Variants in OSBP2 observed in about 807,000 individuals in gnomAD.
The protein encoded by OSBP2 is oxysterol-binding protein 2.
Under a neutral mutation model 96.0 loss-of-function variants are expected in OSBP2, and 66 were observed. That is an observed-to-expected ratio of 0.69 (90% CI 0.56 to 0.84). The LOEUF is 0.84. Ranked by LOEUF, OSBP2 falls within the 40% of genes least tolerant of loss-of-function variation. The pLI is 0.00. For synonymous variants in OSBP2, 525 were observed against 520.9 expected (o/e 1.01, Z -0.11); for missense variants, 1,038 against 1,222.7 (o/e 0.85, Z 2.25).
chr22:30,887,977 C>T (rs576859295), intron 4 of OSBP2, among the ~76,000 whole-genome samples: 16 of 152,286 alleles, frequency 1.1e-4, no homozygotes, highest in African/African-American at 3.9e-4. Flanking sequence ...AAGACTGACC[C>T]ACATGTTGAG....
At chr22:30,710,613 T>C (rs556079491) in intron 1 of OSBP2, among the ~76,000 whole-genome samples, 26 of 151,824 alleles carry the variant, frequency 1.7e-4, no homozygotes, top group African/African-American at 6.0e-4. Flanking sequence ...TTTTTTTTTT[T>C]AGTGTGTATT....
At chr22:30,812,826 G>T (rs2091028093) in intron 2 of OSBP2, among the ~76,000 whole-genome samples, 1 of 152,072 alleles carries the variant, frequency 6.6e-6, no homozygotes, top group Non-Finnish European at 1.5e-5. Context: ...GCATTTCCTT[G>T]CTCTATTTTG....
intron 2 of OSBP2, among the ~76,000 whole-genome samples, chr22:30,840,561 C>T (rs754735784): frequency 3.3e-5 from 5 of 152,092 alleles, no homozygotes; most frequent in Admixed American, 2.0e-4. Flanking sequence ...TAGCTCTGCC[C>T]CTTACCAGAT....
At chr22:30,730,758 CTCT>C (rs2089745996) in intron 1 of OSBP2, among the ~76,000 whole-genome samples, 1 of 42,922 alleles carries the variant, frequency 2.3e-5, no homozygotes, top group South Asian at 1.3e-3. Flanking sequence ...CTCTCTCTCT[CTCT>C]CTCTCTCTCT....
chr22:30,762,221 C>CA (rs956113839), intron 2 of OSBP2, among the ~76,000 whole-genome samples: 1 of 150,530 alleles, frequency 6.6e-6, no homozygotes, highest in African/African-American at 2.4e-5. Flanking sequence ...GACTCCATCT[C>CA]AAAAAATAAA....
intron 2 of OSBP2, chr22:30,822,641 GCGGCTGCTGGGACA>G (rs1336800021): frequency 6.5e-7 from 1 of 1,533,098 alleles, no homozygotes; most frequent in Non-Finnish European, 8.7e-7. Context: ...ATGAAGGGAC[GCGGCTGCTGGGACA>G]CGGCCTCCGT....
At chr22:30,897,739 C>T (rs1313925475) in intron 12 of OSBP2, among the ~76,000 whole-genome samples, 1 of 152,154 alleles carries the variant, frequency 6.6e-6, no homozygotes, top group Non-Finnish European at 1.5e-5. Flanking sequence ...CACCTGAGGT[C>T]AGGAGTTCGA....
At chr22:30,694,368 G>C (rs537812548), upstream of OSBP2, 20 of 1,523,560 alleles carry the variant, frequency 1.3e-5, no homozygotes, top group South Asian at 2.4e-4. Context: ...TGGGGGGCGG[G>C]GCGTCGTCTT....
chr22:30,797,991 A>G (rs2090788637), intron 2 of OSBP2, among the ~76,000 whole-genome samples: 1 of 152,158 alleles, frequency 6.6e-6, no homozygotes, highest in Admixed American at 6.5e-5. Context: ...CCTATTTTTA[A>G]TATTTTGAGG....
chr22:30,900,090 C>T (rs5994355), intron 12 of OSBP2, among the ~76,000 whole-genome samples: 265 of 152,176 alleles, frequency 1.7e-3, no homozygotes, highest in African/African-American at 6.0e-3. Context: ...GAAACCCCAT[C>T]TCTACTAAAA....
At chr22:30,732,019 C>T (rs1201664690) in intron 1 of OSBP2, among the ~76,000 whole-genome samples, 3 of 152,040 alleles carry the variant, frequency 2.0e-5, no homozygotes, top group African/African-American at 4.8e-5. Flanking sequence ...TAAGAGATAC[C>T]GGTGCTAGGC....
At chr22:30,740,388 G>A (rs1293576547) in intron 1 of OSBP2, among the ~76,000 whole-genome samples, 2 of 152,166 alleles carry the variant, frequency 1.3e-5, no homozygotes, top group Non-Finnish European at 2.9e-5. Flanking sequence ...AGTTTAGGGA[G>A]GGTCAGAATC....
intron 2 of OSBP2, among the ~76,000 whole-genome samples, chr22:30,750,967 C>T (rs1179680320): frequency 6.6e-6 from 1 of 152,166 alleles, no homozygotes; most frequent in Non-Finnish European, 1.5e-5. Context: ...TCTTGAACTC[C>T]TGACCTCAGG....
chr22:30,757,418 C>A (rs1281461613), intron 2 of OSBP2, among the ~76,000 whole-genome samples: 1 of 151,846 alleles, frequency 6.6e-6, no homozygotes, highest in Non-Finnish European at 1.5e-5. Flanking sequence ...TTTTCTTTTT[C>A]CTTTTCTTTT....
At chr22:30,815,160 A>G (rs1170346604) in intron 2 of OSBP2, among the ~76,000 whole-genome samples, 2 of 152,156 alleles carry the variant, frequency 1.3e-5, no homozygotes, top group Admixed American at 1.3e-4. Context: ...GCACGTACCT[A>G]TAGTCCCAGC....
intron 1 of OSBP2, among the ~76,000 whole-genome samples, chr22:30,707,166 A>G (rs970165181): frequency 1.3e-5 from 2 of 151,800 alleles, no homozygotes; most frequent in Admixed American, 6.6e-5. Context: ...GCGTGATCTC[A>G]GCTCACTGCA....
chr22:30,733,408 T>C (rs2145727513), intron 1 of OSBP2, among the ~76,000 whole-genome samples: 1 of 152,226 alleles, frequency 6.6e-6, no homozygotes, highest in South Asian at 2.1e-4. Flanking sequence ...GGGGGATAAA[T>C]GAAGAGCATT....
chr22:30,701,105 A>G (rs566140881), intron 1 of OSBP2, among the ~76,000 whole-genome samples: 4 of 151,956 alleles, frequency 2.6e-5, no homozygotes, highest in Non-Finnish European at 4.4e-5. Flanking sequence ...CAAAAAAAAA[A>G]AAAAAAGTCC....
intron 4 of OSBP2, 94 bp from the exon 5 acceptor site, chr22:30,888,129 G>C (rs2039857588): frequency 1.2e-6 from 1 of 826,630 alleles, no homozygotes; most frequent in African/African-American, 1.7e-5. Flanking sequence ...AGTGAGGCCA[G>C]ATGGGGGTTG....
Sources: gnomAD v4.1 joint callset for allele counts (sites outside exome capture counted in the v4.1 genomes callset) on GRCh38, gnomAD v4.1.1 for gene constraint, MANE v1.5 for transcripts, NCBI Gene and HGNC (gene_info 2026-07-23, HGNC 2026-07-21) for gene names.